Variants in TBC1D8 observed in about 807,000 individuals in gnomAD.
TBC1D8 encodes the protein TBC1 domain family member 8, also known as BUB2-like protein 1.
Under a neutral mutation model 118.8 loss-of-function variants are expected in TBC1D8, and 65 were observed. The ratio of observed to expected loss-of-function variants is 0.55; its 90% confidence interval spans 0.45 to 0.67. The LOEUF is 0.67. Ranked by LOEUF, TBC1D8 falls within the 30% of genes least tolerant of loss-of-function variation. The pLI is 0.00. For synonymous variants in TBC1D8, 566 were observed against 595.8 expected, an observed-to-expected ratio of 0.95 and a Z score of 0.73; for missense variants, 1,376 against 1,471.2, an observed-to-expected ratio of 0.94 and a Z score of 1.06.
intron 1 of TBC1D8, among the ~76,000 whole-genome samples, chr2:101,101,708 T>C (rs1044830839): frequency 6.6e-5 from 10 of 152,280 alleles, no homozygotes; most frequent in African/African-American, 2.2e-4. Context: ...TACAGAATAC[T>C]ATGCAGCCAT....
intron 17 of TBC1D8, chr2:101,019,041 G>A: frequency 6.2e-7 from 1 of 1,611,220 alleles, no homozygotes; most frequent in Non-Finnish European, 8.5e-7. Context: ...GCCCATAAAG[G>A]GAGCCCTCCT....
intron 19 of TBC1D8, among the ~76,000 whole-genome samples, chr2:101,010,324 A>C (rs1008746015): frequency 3.3e-5 from 5 of 152,166 alleles, no homozygotes; most frequent in African/African-American, 1.2e-4. Context: ...TGAAGGGAAG[A>C]ATGCTGTATC....
chr2:101,029,614 A>G lies in TBC1D8; in HGVS notation c.2099T>C (p.Val700Ala), dbSNP rs760470546. The G allele has an allele frequency of 6.2e-7, 1 of 1,613,996 alleles. No individual in the cohort carries two copies. The highest frequency in any genetic ancestry group is 1.7e-5 in the Admixed American group (1 of 60,020). The change falls in exon 12 of 20, where the codon GTA becomes GCA. Residue 700 changes from valine (V) to alanine (A), a missense_variant. By Grantham distance (64) the Val-to-Ala change is moderately conservative (BLOSUM62 0). Transcript: ENST00000409318. ...IMPLESAVNV[V>A]DCFFYDGIKA... ...GATGCCATCATAGAAGAAGCAGTCT[A>G]CCACATTCACCGCACTCTCTAGAGG...
chr2:101,093,096 A>G (rs1676148619), intron 1 of TBC1D8, among the ~76,000 whole-genome samples: 1 of 151,990 alleles, frequency 6.6e-6, no homozygotes. Context: ...TAGTAAATAT[A>G]TTTTCTCTTC....
intron 1 of TBC1D8, among the ~76,000 whole-genome samples, chr2:101,123,756 TAC>T (rs763373493): frequency 5.9e-5 from 9 of 152,252 alleles, no homozygotes; most frequent in Middle Eastern, 3.4e-3. Flanking sequence ...TACTTACAGC[TAC>T]AGTCTTATGA....
At chr2:101,146,749 T>C in intron 1 of TBC1D8, among the ~76,000 whole-genome samples, 1 of 152,168 alleles carries the variant, frequency 6.6e-6, no homozygotes, top group South Asian at 2.1e-4. Context: ...CTCATTCTCA[T>C]AGCTATTCTG....
intron 17 of TBC1D8, among the ~76,000 whole-genome samples, chr2:101,019,960 T>C (rs965628767): frequency 5.3e-5 from 8 of 151,288 alleles, no homozygotes; most frequent in African/African-American, 1.9e-4. Flanking sequence ...TAGTCCCAGC[T>C]ACTCGGGAGG....
chr2:101,122,666 T>C (rs1048295426), intron 1 of TBC1D8, among the ~76,000 whole-genome samples: 1 of 152,190 alleles, frequency 6.6e-6, no homozygotes, highest in African/African-American at 2.4e-5. Context: ...CTTGGTTGCA[T>C]AAATGTAATA....
intron 17 of TBC1D8, among the ~76,000 whole-genome samples, chr2:101,020,347 T>C (rs996615598): frequency 1.3e-5 from 2 of 152,034 alleles, no homozygotes; most frequent in African/African-American, 4.8e-5. Flanking sequence ...GATGATGATA[T>C]GATGAAGATA....
At chr2:101,057,282 C>T (rs1033506469) in intron 3 of TBC1D8, among the ~76,000 whole-genome samples, 1 of 152,216 alleles carries the variant, frequency 6.6e-6, no homozygotes, top group African/African-American at 2.4e-5. Flanking sequence ...GCTCTTGACC[C>T]TCCCAAGTCC....
chr2:101,023,508 AAT>A, intron 15 of TBC1D8: 1 of 337,634 alleles, frequency 3.0e-6, no homozygotes, highest in South Asian at 2.5e-5. Flanking sequence ...AGAAGGAACT[AAT>A]AACCCTGGCT....
chr2:101,038,730 C>G, intron 6 of TBC1D8, 75 bp from the exon 7 acceptor site: 1 of 1,525,426 alleles, frequency 6.6e-7, no homozygotes, highest in Admixed American at 1.7e-5. Flanking sequence ...CAGAAGATGT[C>G]CCGAAACAGA....
intron 1 of TBC1D8, among the ~76,000 whole-genome samples, chr2:101,103,611 C>G (rs1333759512): frequency 6.6e-6 from 1 of 152,058 alleles, no homozygotes; most frequent in Non-Finnish European, 1.5e-5. Flanking sequence ...CCAGGATGGT[C>G]TCGATCTCCT....
intron 2 of TBC1D8, 120 bp downstream of exon 2, chr2:101,090,089 G>T: frequency 1.9e-6 from 2 of 1,073,828 alleles, no homozygotes; most frequent in Non-Finnish European, 2.6e-6. Flanking sequence ...GGGGAGTTAA[G>T]TTCCTGAAAG....
chr2:101,046,222 T>G (rs1202360365), intron 5 of TBC1D8, among the ~76,000 whole-genome samples: 1 of 152,226 alleles, frequency 6.6e-6, no homozygotes, highest in Non-Finnish European at 1.5e-5. Context: ...TAGGACACAC[T>G]GCAGCCCACG....
At chr2:101,030,704 G>T (rs1680620354) in intron 11 of TBC1D8, among the ~76,000 whole-genome samples, 1 of 152,178 alleles carries the variant, frequency 6.6e-6, no homozygotes, top group African/African-American at 2.4e-5. Context: ...TTATATGACT[G>T]CTCATTGCTA....
intron 15 of TBC1D8, chr2:101,023,542 G>C (rs771831899): frequency 2.7e-6 from 1 of 372,540 alleles, no homozygotes; most frequent in Non-Finnish European, 5.4e-6. Flanking sequence ...GGGCCCCAGA[G>C]GTGGAAGTGA....
chr2:101,060,928 C>T (rs1682716474), intron 2 of TBC1D8, among the ~76,000 whole-genome samples: 1 of 152,198 alleles, frequency 6.6e-6, no homozygotes, highest in Admixed American at 6.5e-5. Context: ...TGGCTCACGC[C>T]TGTAATCCCA....
At chr2:101,025,711 C>T (rs977225771) in intron 15 of TBC1D8, among the ~76,000 whole-genome samples, 12 of 152,142 alleles carry the variant, frequency 7.9e-5, no homozygotes, top group Non-Finnish European at 1.0e-4. Context: ...CTCTCTAGAG[C>T]ACAATAACCC....
Sources: gnomAD v4.1 joint callset for allele counts (sites outside exome capture counted in the v4.1 genomes callset) on GRCh38, gnomAD v4.1.1 for gene constraint, MANE v1.5 for transcripts, NCBI Gene and HGNC (gene_info 2026-07-23, HGNC 2026-07-21) for gene names.